GRB10: variants seen among roughly 807,000 people sequenced by gnomAD.
GRB10 encodes growth factor receptor-bound protein 10.
In GRB10, 20 loss-of-function variants were observed where a neutral mutation model predicts 80.9. The ratio of observed to expected loss-of-function variants is 0.25; its 90% CI spans 0.17 to 0.36. The LOEUF (loss-of-function observed/expected upper bound fraction) is 0.36, where lower values mean the gene tolerates loss of function less well. Among genes scored for constraint, GRB10 ranks in the 10% least tolerant of loss-of-function variants. The pLI is 1.00. For missense variants in GRB10, 548 were observed against 747.7 expected, an observed-to-expected ratio of 0.73 and a Z score of 3.12; for synonymous variants, 291 against 291.5, an observed-to-expected ratio of 1.00 and a Z score of 0.02.
chr7:50,674,460 TG>T lies in GRB10; in HGVS notation c.337del (p.Gln113SerfsTer73). 1 of 1,606,358 alleles carries T rather than the reference TG, an allele frequency of 6.2e-7. No individual in the cohort carries two copies. On this transcript the variant is annotated frameshift_variant, in exon 6 of 19. Transcript: ENST00000401949. LOFTEE classifies it high-confidence loss of function. ...CCTGACAGCGAGGATGTGCACAGGC[TG>T]GGAGCGCTGCACCCTCTGCCTCGGG... ...VSPRQRVQRS[Q>X]PVHILAVRRL...
At chr7:50,743,108 T>G (rs1374688350) in intron 3 of GRB10, among the ~76,000 whole-genome samples, 2 of 152,222 alleles carry the variant, frequency 1.3e-5, no homozygotes, top group Non-Finnish European at 2.9e-5. Context: ...TTTCCGCTTT[T>G]CTTCCACAAT....
chr7:50,733,369 C>T (rs1423793089), intron 3 of GRB10, among the ~76,000 whole-genome samples: 2 of 152,158 alleles, frequency 1.3e-5, no homozygotes, highest in Non-Finnish European at 2.9e-5. Flanking sequence ...TTTGTTATGA[C>T]AGCCTTACTA....
rs1284662315 is a variant in GRB10 at position 50,590,275 on chromosome 7, T to C, written c.*2677A>G. On this transcript the variant is annotated 3_prime_UTR_variant, in exon 19 of 19. Transcript: ENST00000401949. The stretch of plus-strand genomic sequence containing the variant: ...AAACGTTTATACACGCCAGGCCAAT[T>C]TACAGTCACTGCAGTTTGCACTGTG... 6.6e-6 allele frequency: 1 copy of C among 152,198 alleles called. No individual in the cohort carries two copies. Among genetic ancestry groups the C allele is most frequent in the African/African-American group, 2.4e-5 (1 of 41,444 alleles). 9.4% of individuals were successfully genotyped at this position (152,198 alleles called of 1,614,324 possible).
intron 5 of GRB10, among the ~76,000 whole-genome samples, chr7:50,690,964 T>TA (rs959697383): frequency 2.6e-5 from 4 of 152,134 alleles, no homozygotes; most frequent in African/African-American, 9.7e-5. Flanking sequence ...CTGCTCCAAA[T>TA]AAGGACCAGG....
intron 2 of GRB10, among the ~76,000 whole-genome samples, chr7:50,773,584 G>A (rs79642439): frequency 1.3e-5 from 2 of 151,972 alleles, no homozygotes; most frequent in Non-Finnish European, 2.9e-5. Context: ...TGAAACCCTT[G>A]TGCATTATTA....
chr7:50,740,753 GAA>G (rs375683973), intron 3 of GRB10, among the ~76,000 whole-genome samples: 2 of 151,254 alleles, frequency 1.3e-5, no homozygotes, highest in African/African-American at 4.9e-5. Flanking sequence ...ATTTGCAACA[GAA>G]GAGAGAAGAC....
At chr7:50,750,171 C>T (rs2073855031) in intron 3 of GRB10, among the ~76,000 whole-genome samples, 1 of 152,234 alleles carries the variant, frequency 6.6e-6, no homozygotes, top group South Asian at 2.1e-4. Context: ...CGTGGGAAAG[C>T]ACCCTAAAAC....
intron 7 of GRB10, among the ~76,000 whole-genome samples, chr7:50,632,934 C>G (rs1586030412): frequency 6.6e-6 from 1 of 152,152 alleles, no homozygotes; most frequent in South Asian, 2.1e-4. Context: ...CAGACCCAGC[C>G]ATACCCAGCT....
intron 7 of GRB10, among the ~76,000 whole-genome samples, chr7:50,653,471 A>T (rs1197856132): frequency 6.6e-6 from 1 of 152,216 alleles, no homozygotes; most frequent in East Asian, 1.9e-4. Context: ...ACTCAGGAAG[A>T]GATTTCAGGT....
At chr7:50,706,022 C>T (rs1308588694) in intron 4 of GRB10, among the ~76,000 whole-genome samples, 1 of 152,228 alleles carries the variant, frequency 6.6e-6, no homozygotes, top group East Asian at 1.9e-4. Flanking sequence ...ACCCAGTCTG[C>T]TCTTTGGCAT....
chr7:50,682,198 C>G (rs1199457561), intron 5 of GRB10, among the ~76,000 whole-genome samples: 1 of 152,244 alleles, frequency 6.6e-6, no homozygotes, highest in Non-Finnish European at 1.5e-5. Context: ...ACGCCTGGAG[C>G]AGTTGGCTAA....
intron 1 of GRB10, among the ~76,000 whole-genome samples, chr7:50,790,201 C>T (rs549315187): frequency 1.1e-4 from 17 of 152,310 alleles, no homozygotes; most frequent in Admixed American, 9.8e-4. Context: ...AAATACCAGC[C>T]AGGGGCTGAA....
intron 2 of GRB10, among the ~76,000 whole-genome samples, chr7:50,764,128 G>C (rs978269591): frequency 6.6e-6 from 1 of 150,664 alleles, no homozygotes; most frequent in Non-Finnish European, 1.5e-5. Context: ...AAACACCTGT[G>C]GCCCCAGCTG....
chr7:50,653,607 GC>G (rs1247164571), intron 7 of GRB10, among the ~76,000 whole-genome samples: 7 of 152,102 alleles, frequency 4.6e-5, no homozygotes, highest in Admixed American at 6.5e-5. Flanking sequence ...GGCAGGAAGA[GC>G]CCTCCCAGCC....
intron 3 of GRB10, among the ~76,000 whole-genome samples, chr7:50,751,571 G>A (rs2074115495): frequency 6.6e-6 from 1 of 152,220 alleles, no homozygotes; most frequent in Admixed American, 6.5e-5. Context: ...AGGGTGGGAA[G>A]GAAGAACTGC....
intron 4 of GRB10, among the ~76,000 whole-genome samples, chr7:50,723,654 G>A (rs2068105518): frequency 6.6e-6 from 1 of 152,194 alleles, no homozygotes; most frequent in Non-Finnish European, 1.5e-5. Flanking sequence ...ATTTCCTAAG[G>A]CCCCACTAGT....
chr7:50,614,631 C>A (rs994050078), intron 12 of GRB10, 139 bp downstream of exon 12: 13 of 747,482 alleles, frequency 1.7e-5, no homozygotes, highest in Non-Finnish European at 3.2e-5. Flanking sequence ...AATGTTTTTA[C>A]AGGAATGGAT....
At chr7:50,644,888 G>A (rs887394889) in intron 7 of GRB10, among the ~76,000 whole-genome samples, 1 of 152,240 alleles carries the variant, frequency 6.6e-6, no homozygotes, top group Non-Finnish European at 1.5e-5. Flanking sequence ...GGGCGGACCA[G>A]TTGGTGAAGG....
intron 11 of GRB10, among the ~76,000 whole-genome samples, chr7:50,615,468 T>C (rs2050431275): frequency 6.6e-6 from 1 of 152,246 alleles, no homozygotes; most frequent in African/African-American, 2.4e-5. Context: ...CCCTTCTCTC[T>C]GGCCCAGGTG....
Sources: allele counts gnomAD v4.1 joint callset (sites outside exome capture counted in the v4.1 genomes callset), GRCh38; gene constraint gnomAD v4.1.1; transcripts MANE v1.5; gene names NCBI Gene and HGNC (gene_info 2026-07-23, HGNC 2026-07-21).